The following SUGCT variants were observed in gnomAD, a reference collection of about 807,000 sequenced individuals.
SUGCT encodes succinyl-CoA:glutarate CoA-transferase.
In SUGCT, 41 loss-of-function variants were observed where a neutral mutation model predicts 55.0. That is an observed-to-expected ratio of 0.74 (90% CI 0.58 to 0.97). SUGCT has a LOEUF of 0.97. SUGCT is among the 50% of genes least tolerant of loss of function. SUGCT has a pLI of 0.00. For synonymous variants in SUGCT, 187 were observed against 200.4 expected (o/e 0.93, Z 0.56); for missense variants, 568 against 547.8 (o/e 1.04, Z -0.37).
At chr7:40,925,957 G>A in the SUGCT span, among the ~76,000 whole-genome samples, 1 of 152,098 alleles carries the variant, frequency 6.6e-6, no homozygotes, top group Non-Finnish European at 1.5e-5. Context: ...ATCCAGGCAT[G>A]GTGGCACATG....
chr7:40,900,710 C>T, the SUGCT span, among the ~76,000 whole-genome samples: 1 of 152,202 alleles, frequency 6.6e-6, no homozygotes, highest in East Asian at 1.9e-4. Flanking sequence ...CTGCAAAAAC[C>T]ACGAGGCAGC....
At chr7:40,388,929 TA>T (rs1231280025) in intron 9 of SUGCT, among the ~76,000 whole-genome samples, 4 of 152,162 alleles carry the variant, frequency 2.6e-5, no homozygotes, top group Non-Finnish European at 4.4e-5. Flanking sequence ...CTTAAGAACT[TA>T]AAAAAATATG....
the SUGCT span, among the ~76,000 whole-genome samples, chr7:40,951,463 C>T: frequency 6.6e-6 from 1 of 152,128 alleles, no homozygotes; most frequent in African/African-American, 2.4e-5. Context: ...TTCAGTTCTG[C>T]TCTGATCTTA....
At position 40,180,951 on chromosome 7, in the gene SUGCT, G is replaced by C; in HGVS notation, c.105G>C (p.Met35Ile). The C allele has an allele frequency of 6.2e-7, 1 of 1,607,038 alleles. No homozygotes were observed. The highest frequency in any genetic ancestry group is 2.2e-5 in the East Asian group (1 of 44,782). The change falls in exon 2 of 14, where the codon ATG (methionine) becomes ATC (isoleucine). Residue 35 changes from methionine (M) to isoleucine (I), a missense_variant. Met to Ile is a conservative substitution (Grantham distance 10, BLOSUM62 1). Coordinates refer to ENST00000335693, the MANE Select transcript of SUGCT (RefSeq NM_001193313.2). ...GLWTGRPQSD[M>I]NNIKPLEGVK... ...ATGTTTTCTCTGTTTTGCCAGATAT[G>C]AACAATATAAAGCCATTGGAAGGGG...
At chr7:40,895,095 T>C in the SUGCT span, among the ~76,000 whole-genome samples, 1 of 151,998 alleles carries the variant, frequency 6.6e-6, no homozygotes, top group Admixed American at 6.6e-5. Context: ...ATGAAGAAAA[T>C]GTACATATTC....
At chr7:40,237,853 C>T in intron 7 of SUGCT, 127 bp downstream of exon 7, 1 of 667,774 alleles carries the variant, frequency 1.5e-6, no homozygotes, top group Non-Finnish European at 2.5e-6. Context: ...CTGTTTTTGC[C>T]ATTGAAATTA....
At chr7:40,287,995 T>C (rs968723232) in intron 8 of SUGCT, among the ~76,000 whole-genome samples, 1 of 152,210 alleles carries the variant, frequency 6.6e-6, no homozygotes, top group Non-Finnish European at 1.5e-5. Flanking sequence ...GATTTTTGTA[T>C]ATTGAACCAA....
At chr7:41,036,641 A>G in the SUGCT span, among the ~76,000 whole-genome samples, 2 of 152,060 alleles carry the variant, frequency 1.3e-5, no homozygotes, top group Non-Finnish European at 2.9e-5. Flanking sequence ...AGTAATTGCC[A>G]TTACTTTTAT....
the SUGCT span, among the ~76,000 whole-genome samples, chr7:40,970,594 G>A: frequency 6.6e-6 from 1 of 152,196 alleles, no homozygotes; most frequent in Non-Finnish European, 1.5e-5. Flanking sequence ...GACCTCATGT[G>A]TTCACGACCA....
intron 11 of SUGCT, among the ~76,000 whole-genome samples, chr7:40,471,060 TG>T (rs1391386722): frequency 6.6e-6 from 1 of 152,180 alleles, no homozygotes; most frequent in Non-Finnish European, 1.5e-5. Flanking sequence ...TGGCCCTTTT[TG>T]GTGGCCATTG....
At chr7:40,284,985 C>G (rs1458148405) in intron 8 of SUGCT, among the ~76,000 whole-genome samples, 1 of 152,078 alleles carries the variant, frequency 6.6e-6, no homozygotes, top group Admixed American at 6.6e-5. Flanking sequence ...TAGTTATATT[C>G]ATGGGCATTG....
At chr7:40,714,797 G>A (rs1785927152) in intron 12 of SUGCT, among the ~76,000 whole-genome samples, 2 of 152,184 alleles carry the variant, frequency 1.3e-5, no homozygotes, top group South Asian at 4.1e-4. Flanking sequence ...AAGTCAAACT[G>A]TACAAGAGAA....
chr7:40,311,565 T>G (rs1316157982), intron 8 of SUGCT, among the ~76,000 whole-genome samples: 2 of 152,182 alleles, frequency 1.3e-5, no homozygotes, highest in Admixed American at 6.6e-5. Flanking sequence ...TTAGTTATAT[T>G]TGTCTTCTTT....
At chr7:40,989,791 CAAAG>C in the SUGCT span, among the ~76,000 whole-genome samples, 2 of 151,936 alleles carry the variant, frequency 1.3e-5, no homozygotes, top group African/African-American at 4.8e-5. Context: ...AAACAAAAAA[CAAAG>C]AAGCAACTCC....
At chr7:40,781,743 T>A (rs1789762116) in intron 13 of SUGCT, among the ~76,000 whole-genome samples, 1 of 152,178 alleles carries the variant, frequency 6.6e-6, no homozygotes, top group Non-Finnish European at 1.5e-5. Flanking sequence ...AAGTGTTTTC[T>A]TATCACTGAA....
intron 9 of SUGCT, among the ~76,000 whole-genome samples, chr7:40,386,769 A>G (rs1309259259): frequency 6.6e-6 from 1 of 152,176 alleles, no homozygotes; most frequent in Non-Finnish European, 1.5e-5. Flanking sequence ...GGCGCTCTTA[A>G]TGGAGCCTCG....
At chr7:40,263,957 G>A (rs1791391148) in intron 7 of SUGCT, among the ~76,000 whole-genome samples, 1 of 151,896 alleles carries the variant, frequency 6.6e-6, no homozygotes, top group Non-Finnish European at 1.5e-5. Context: ...AGGTGTATGG[G>A]TGAAAGCTTC....
rs534929185 is a variant in SUGCT, at chr7:40,300,509, T to C, written c.721-16251T>C. Among the ~76,000 whole-genome samples, 4 of 152,348 alleles carry C rather than the reference T, an allele frequency of 2.6e-5. No homozygotes were observed. In the South Asian group the frequency reaches 8.3e-4, roughly 32 times the overall value. On this transcript the variant is annotated intron_variant, in intron 8 of 13. Coordinates refer to ENST00000335693, the MANE Select transcript of SUGCT (RefSeq NM_001193313.2). ...TGACACAACAAAGCAGAGTGCCTCC[T>C]TAAGGGTTTTATCATATTACAGTCT...
chr7:40,551,402 A>T (rs941649239), intron 12 of SUGCT, among the ~76,000 whole-genome samples: 1 of 152,182 alleles, frequency 6.6e-6, no homozygotes, highest in African/African-American at 2.4e-5. Flanking sequence ...CTGTAAACAT[A>T]CTCAACCTAT....
Sources: gnomAD v4.1 joint callset for allele counts (sites outside exome capture counted in the v4.1 genomes callset) on GRCh38, gnomAD v4.1.1 for gene constraint, MANE v1.5 for transcripts, NCBI Gene and HGNC (gene_info 2026-07-23, HGNC 2026-07-21) for gene names.